The following CDH2 variants were observed in gnomAD, a reference collection of about 807,000 sequenced individuals.
The protein encoded by CDH2 is cadherin-2.
In CDH2, 17 loss-of-function variants were observed where a neutral mutation model predicts 92.0. That is an observed-to-expected ratio of 0.18 (90% CI 0.13 to 0.28). The LOEUF (loss-of-function observed/expected upper bound fraction) is 0.28. CDH2 is among the 10% of genes least tolerant of loss of function. CDH2 has a pLI of 1.00. For synonymous variants in CDH2, 419 were observed against 415.9 expected (o/e 1.01, Z -0.09); for missense variants, 862 against 1,133.1 (o/e 0.76, Z 3.44).
Position 27,952,051 on chromosome 18 carries a change from G to A in CDH2, c.*102C>T. The A allele has an allele frequency of 1.9e-6, 2 of 1,028,818 alleles. No individual in the cohort carries two copies. The highest frequency in any genetic ancestry group is 3.0e-6 in the Non-Finnish European group (2 of 661,466). The allele number at this position is 1,028,818 out of a possible 1,614,324, so 63.7% of individuals were successfully genotyped here. A position where few individuals can be genotyped will look rare whatever the true frequency, so the allele number is the denominator to read the frequency against. Reference sequence around the variant, plus strand: ...TATGCCAAAGCCTCCAGCAAGCACTGTGCTAGTAGACTACAAAGTTAAAGC... The same window carrying A: ...TATGCCAAAGCCTCCAGCAAGCACTATGCTAGTAGACTACAAAGTTAAAGC... On this transcript the variant is annotated 3_prime_UTR_variant, in exon 16 of 16. Coordinates refer to ENST00000269141, the MANE Select transcript of CDH2 (RefSeq NM_001792.5).
At chr18:28,058,116 C>A (rs1298905596) in intron 2 of CDH2, among the ~76,000 whole-genome samples, 1 of 152,174 alleles carries the variant, frequency 6.6e-6, no homozygotes, top group African/African-American at 2.4e-5. Context: ...TAAATATGTT[C>A]TTGTAACAGT....
intron 2 of CDH2, among the ~76,000 whole-genome samples, 193 bp from the exon 3 acceptor site, chr18:28,014,102 G>C (rs1364547833): frequency 6.6e-6 from 1 of 152,070 alleles, no homozygotes; most frequent in East Asian, 1.9e-4. Flanking sequence ...GTAGTTCTGA[G>C]CTGTGCCCTA....
rs575242672 is a variant in CDH2 at position 28,106,254 on chromosome 18, T to C, written c.172+41419A>G. On this transcript the variant is annotated intron_variant, in intron 2 of 15. Transcript: ENST00000269141. ...CAACATGGCAAAAACCTGTCTTTCCTAAAAATACAAAAATTAGCAGGGCAT... is the reference window on the plus strand; with the variant it reads ...CAACATGGCAAAAACCTGTCTTTCCCAAAAATACAAAAATTAGCAGGGCAT... Among the ~76,000 whole-genome samples, 5 of 152,140 alleles carry C rather than the reference T, an allele frequency of 3.3e-5. No homozygotes were observed. In the East Asian group the frequency reaches 9.7e-4, roughly 29 times the overall value.
chr18:28,094,983 CAT>C (rs1160674710), intron 2 of CDH2, among the ~76,000 whole-genome samples: 4 of 151,906 alleles, frequency 2.6e-5, no homozygotes, highest in Non-Finnish European at 5.9e-5. Flanking sequence ...CATGTTATAA[CAT>C]ATGTTTTCCA....
chr18:28,020,767 A>G (rs756031384), intron 2 of CDH2, among the ~76,000 whole-genome samples: 28 of 152,016 alleles, frequency 1.8e-4, no homozygotes, highest in Non-Finnish European at 2.2e-4. Context: ...AAATCCATAG[A>G]GCTGTGTAAC....
chr18:28,050,147 G>GT (rs2014162156), intron 2 of CDH2, among the ~76,000 whole-genome samples: 1 of 152,144 alleles, frequency 6.6e-6, no homozygotes, highest in South Asian at 2.1e-4. Flanking sequence ...AGTGATTGTC[G>GT]TTTTAAGCCA....
chr18:28,002,466 T>C (rs1431384313), intron 7 of CDH2, among the ~76,000 whole-genome samples: 1 of 152,256 alleles, frequency 6.6e-6, no homozygotes, highest in African/African-American at 2.4e-5. Context: ...GTAGAATTAA[T>C]GCAGTTACTA....
intron 2 of CDH2, among the ~76,000 whole-genome samples, chr18:28,115,169 C>T (rs924540735): frequency 3.3e-5 from 5 of 152,120 alleles, no homozygotes; most frequent in Admixed American, 2.6e-4. Flanking sequence ...AAAGACCTGG[C>T]GTTACTCAGA....
In CDH2 at chr18:27,959,047, G is replaced by GTA. The variant is rs561417517; in HGVS notation, c.2514+4308_2514+4309dup. On this transcript the variant is annotated intron_variant, in intron 15 of 15. Transcript: ENST00000269141. ...GCAGCGTGAAAACAGAAAAATACAC[G>GTA]TATATATATAAAGAAGTTTATTTCT... Among the ~76,000 whole-genome samples, 12 of 152,044 alleles carry GTA rather than the reference G, an allele frequency of 7.9e-5. No homozygotes were observed. The East Asian group carries it at 1.7e-3, about 22-fold the overall frequency.
chr18:28,140,091 C>A (rs1234551314), intron 2 of CDH2, among the ~76,000 whole-genome samples: 1 of 151,936 alleles, frequency 6.6e-6, no homozygotes, highest in Admixed American at 6.6e-5. Flanking sequence ...ATCCTGTCAA[C>A]TCTATCTTCA....
At chr18:27,963,173 G>C (rs2011452472) in intron 15 of CDH2, among the ~76,000 whole-genome samples, 184 bp downstream of exon 15, 1 of 152,018 alleles carries the variant, frequency 6.6e-6, no homozygotes, top group African/African-American at 2.4e-5. Flanking sequence ...CTTTTTGGTT[G>C]ATCAAAGCAA....
chr18:28,144,983 T>G (rs910632379), intron 2 of CDH2, among the ~76,000 whole-genome samples: 3 of 152,094 alleles, frequency 2.0e-5, no homozygotes, highest in Admixed American at 1.3e-4. Context: ...ATTTCATGCT[T>G]CTTCTATATA....
chr18:28,005,758 C>T, intron 6 of CDH2, 91 bp downstream of exon 6: 1 of 784,556 alleles, frequency 1.3e-6, no homozygotes, highest in African/African-American at 1.8e-5. Flanking sequence ...CAAAAAGCCT[C>T]ATATGATTTC....
At chr18:28,127,068 A>T (rs934039174) in intron 2 of CDH2, among the ~76,000 whole-genome samples, 1 of 152,300 alleles carries the variant, frequency 6.6e-6, no homozygotes, top group African/African-American at 2.4e-5. Flanking sequence ...CCCACGCATG[A>T]GTTCTTAAGC....
At chr18:28,161,580 GA>G (rs35615619) in intron 1 of CDH2, among the ~76,000 whole-genome samples, 317 of 49,790 alleles carry the variant, frequency 6.4e-3, no homozygotes, top group African/African-American at 0.013. Context: ...ACCCTGTCTC[GA>G]AAAAAAAAAA....
intron 2 of CDH2, among the ~76,000 whole-genome samples, chr18:28,030,075 C>A (rs1183006824): frequency 6.6e-6 from 1 of 152,030 alleles, no homozygotes; most frequent in East Asian, 1.9e-4. Context: ...CTTATAATGT[C>A]CTGATAAATA....
intron 2 of CDH2, among the ~76,000 whole-genome samples, chr18:28,143,756 T>C (rs1568015336): frequency 6.6e-6 from 1 of 151,998 alleles, no homozygotes; most frequent in Non-Finnish European, 1.5e-5. Context: ...ATTCCAGATC[T>C]GCTGCTAACA....
intron 2 of CDH2, 141 bp downstream of exon 2, chr18:28,147,528 AAAAT>A: frequency 2.1e-6 from 1 of 469,580 alleles, no homozygotes; most frequent in Non-Finnish European, 3.7e-6. Context: ...CTGTAATCCT[AAAAT>A]AAAGTCCCTA....
intron 4 of CDH2, among the ~76,000 whole-genome samples, chr18:28,011,298 TA>T (rs1203086947): frequency 2.6e-4 from 38 of 144,488 alleles, no homozygotes; most frequent in East Asian, 1.2e-3. Context: ...AGTAAATAAC[TA>T]AAAAAAAAAA....
Sources: allele counts gnomAD v4.1 joint callset (sites outside exome capture counted in the v4.1 genomes callset), GRCh38; gene constraint gnomAD v4.1.1; transcripts MANE v1.5; gene names NCBI Gene and HGNC (gene_info 2026-07-23, HGNC 2026-07-21).